The following KIAA1586 variants were observed in gnomAD, a reference collection of about 807,000 sequenced individuals.
KIAA1586 encodes KIAA1586.
In KIAA1586, 5 loss-of-function variants were observed where a neutral mutation model predicts 6.1. That is an observed-to-expected ratio of 0.82 (90% confidence interval 0.43 to 1.73). The LOEUF is 1.73. Ranked by LOEUF, KIAA1586 falls within the 40% of genes most tolerant of loss-of-function variation. The pLI is 0.02. For synonymous variants in KIAA1586, 280 were observed against 301.7 expected, an observed-to-expected ratio of 0.93 and a Z score of 0.75; for missense variants, 899 against 878.2, an observed-to-expected ratio of 1.02 and a Z score of -0.30.
chr6:57,054,948 C>A lies in KIAA1586; in HGVS notation c.*85C>A. 5 of 1,345,162 alleles carry A rather than the reference C, an allele frequency of 3.7e-6. No homozygotes were observed. The highest frequency in any genetic ancestry group is 1.8e-5 in the South Asian group (1 of 55,186). The allele number at this position is 1,345,162 out of a possible 1,614,324, so 83.3% of individuals were successfully genotyped here. A position where few individuals can be genotyped will look rare whatever the true frequency, so the allele number is the denominator to read the frequency against. On this transcript the variant is annotated 3_prime_UTR_variant, in exon 4 of 4. Coordinates refer to ENST00000370733, the MANE Select transcript of KIAA1586 (RefSeq NM_020931.4). ...AAAGGTCTTTTTTTTTTTTGGAAAGCCAGTTAAACTTTTATCAGCATGTTG... is the reference window on the plus strand; with the variant it reads ...AAAGGTCTTTTTTTTTTTTGGAAAGACAGTTAAACTTTTATCAGCATGTTG...
Position 57,054,685 on chromosome 6 carries a change from A to T in KIAA1586, c.2186A>T (p.His729Leu). ...TRVRNSLTID[H>L]VSDLMTINLL... ...GTGAGAAATAGTTTAACAATAGATC[A>T]TGTATCAGATTTAATGACAATAAAT... The change falls in exon 4 of 4, where the codon CAT (histidine) becomes CTT (leucine). Residue 729 changes from histidine (H) to leucine (L), a missense_variant. Physicochemically the swap from His to Leu is moderately conservative, Grantham distance 99 (BLOSUM62 -3). Transcript: ENST00000370733. 6.4e-7 allele frequency: 1 copy of T among 1,553,782 alleles called. No individual in the cohort carries two copies. Among genetic ancestry groups the T allele is most frequent in the South Asian group, 1.2e-5 (1 of 84,596 alleles).
At position 57,053,973 on chromosome 6, in the gene KIAA1586, G is replaced by A. The variant is rs1195975573; in HGVS notation, c.1474G>A (p.Ala492Thr). Residue 492 changes from alanine (A) to threonine (T), a missense_variant, in exon 4 of 4, where the codon GCT (alanine) becomes ACT (threonine). Ala to Thr is a moderately conservative substitution (Grantham distance 58, BLOSUM62 0). Coordinates refer to ENST00000370733, the MANE Select transcript of KIAA1586 (RefSeq NM_020931.4). ...ATGGGCGGCATGTAGTTTACAAGCT[G>A]CTACTGCTGTATGGCATGCATATCC... ...PRWAACSLQAATAVWHAYPIL... is the reference protein window; with the variant it reads ...PRWAACSLQATTAVWHAYPIL... 1 of 1,591,110 alleles carries A rather than the reference G, an allele frequency of 6.3e-7. No individual in the cohort carries two copies. Among genetic ancestry groups the A allele is most frequent in the Non-Finnish European group, 8.5e-7 (1 of 1,171,974 alleles).
intron 3 of KIAA1586, 148 bp downstream of exon 3, chr6:57,051,002 G>A: frequency 1.8e-6 from 1 of 544,996 alleles, no homozygotes; most frequent in Non-Finnish European, 3.3e-6. Flanking sequence ...GGCCGAGGCG[G>A]TTGGATCACT....
chr6:57,050,872 GTGTT>G lies in KIAA1586; in HGVS notation c.186+23_186+26del. 2 of 1,565,514 alleles carry G rather than the reference GTGTT, an allele frequency of 1.3e-6. No homozygotes were observed. Among genetic ancestry groups the G allele is most frequent in the Non-Finnish European group, 1.8e-6 (2 of 1,136,264 alleles). On this transcript the variant is annotated intron_variant, in intron 3 of 3. Transcript: ENST00000370733. ...ATAGTGATGTAAGCACATTATATTT[GTGTT>G]TGTTCAGTTTTCTTATTAAGTGCAA...
downstream of KIAA1586, among the ~76,000 whole-genome samples, chr6:57,056,908 A>G (rs1269100276): frequency 6.6e-6 from 1 of 152,060 alleles, no homozygotes; most frequent in Non-Finnish European, 1.5e-5. Flanking sequence ...TTATGAATAA[A>G]AGCCTAAATA....
Position 57,052,970 on chromosome 6 carries a change from T to G in KIAA1586, c.471T>G (p.Gly157=). ...ACAAATGGCTTGAAATAAAAGAAGG[T>G]AAATTAGGATGTAAGGATTGTTCAG... ...EQYKWLEIKE[G]KLGCKDCSAV... Residue 157 remains glycine (G), a synonymous_variant, in exon 4 of 4, where the codon GGT becomes GGG. Transcript: ENST00000370733. The G allele has an allele frequency of 6.2e-7, 1 of 1,613,704 alleles. No individual in the cohort carries two copies. The highest frequency in any genetic ancestry group is 8.5e-7 in the Non-Finnish European group (1 of 1,179,878).
chr6:57,046,804 T>G, intron 1 of KIAA1586, 28 bp downstream of exon 1: 3 of 1,608,220 alleles, frequency 1.9e-6, no homozygotes, highest in Non-Finnish European at 2.5e-6. Flanking sequence ...GGTCCTGGCG[T>G]TCTCAGAGGC....
intron 2 of KIAA1586, among the ~76,000 whole-genome samples, chr6:57,049,740 G>A (rs1046518848): frequency 4.6e-5 from 7 of 152,040 alleles, no homozygotes; most frequent in Non-Finnish European, 8.8e-5. Flanking sequence ...TAACCTTCTT[G>A]AAACAGCTCT....
downstream of KIAA1586, among the ~76,000 whole-genome samples, chr6:57,056,218 T>A (rs560487215): frequency 5.3e-5 from 8 of 151,048 alleles, no homozygotes; most frequent in South Asian, 1.5e-3. Flanking sequence ...CTGCCTAATT[T>A]TTTTTTTTTG....
At chr6:57,064,761 T>C in the KIAA1586 span, among the ~76,000 whole-genome samples, 3 of 152,198 alleles carry the variant, frequency 2.0e-5, no homozygotes, top group Non-Finnish European at 4.4e-5. Context: ...GTGGCTTTTC[T>C]GGGAAATTTT....
chr6:57,062,293 C>A, the KIAA1586 span, among the ~76,000 whole-genome samples: 1 of 152,164 alleles, frequency 6.6e-6, no homozygotes, highest in Non-Finnish European at 1.5e-5. Context: ...TCTGTAATAT[C>A]CTTTTCTGTA....
rs761463864 is a variant in KIAA1586, at chr6:57,052,735, T to C, written c.236T>C (p.Leu79Ser). 5 of 1,582,604 alleles carry C rather than the reference T, an allele frequency of 3.2e-6. No individual in the cohort carries two copies. The South Asian group carries it at 5.9e-5, about 19-fold the overall frequency. ...PKRQGDFLHF[L>S]NVKKVKTDTE... ...CGACAGGGTGATTTTTTGCATTTTT[T>C]AAATGTGAAGAAGGTGAAAACAGAC... Residue 79 changes from leucine to serine, a missense_variant, in exon 4 of 4, where the codon TTA becomes TCA. Coordinates refer to ENST00000370733, the MANE Select transcript of KIAA1586 (RefSeq NM_020931.4).
At chr6:57,050,739 T>C in intron 2 of KIAA1586, 35 bp from the exon 3 acceptor site, 1 of 1,412,136 alleles carries the variant, frequency 7.1e-7, no homozygotes, top group Non-Finnish European at 1.0e-6. Flanking sequence ...GGAATGATTG[T>C]TCATGACTTG....
the KIAA1586 span, among the ~76,000 whole-genome samples, chr6:57,060,374 C>T: frequency 6.6e-6 from 1 of 152,184 alleles, no homozygotes; most frequent in Non-Finnish European, 1.5e-5. Flanking sequence ...ACTTATATTT[C>T]ACTGGCCAGA....
chr6:57,048,280 TTCTTTAATGGAGTG>T, intron 2 of KIAA1586, among the ~76,000 whole-genome samples: 1 of 152,342 alleles, frequency 6.6e-6, no homozygotes, highest in East Asian at 1.9e-4. Flanking sequence ...TGTAGAATTT[TTCTTTAATGGAGTG>T]TCTGTCTAAT....
Position 57,054,306 on chromosome 6 carries a change from AGGAGTATATTACTAGACAATAT to A in KIAA1586, c.1808_1829del (p.Arg603LysfsTer5). ...AAACAATAAATTTAATGCTCTTCCT[AGGAGTATATTACTAGACAATAT>A]AATTCAGCACATGAACCTACGCCTT... is the stretch of plus-strand genomic sequence containing the variant. On this transcript the variant is annotated frameshift_variant, in exon 4 of 4. Coordinates refer to ENST00000370733, the MANE Select transcript of KIAA1586 (RefSeq NM_020931.4). LOFTEE classifies it low-confidence loss of function (END_TRUNC). The A allele has an allele frequency of 6.3e-7, 1 of 1,584,818 alleles. No homozygotes were observed. The highest frequency in any genetic ancestry group is 1.4e-5 in the African/African-American group (1 of 73,170).
Position 57,054,167 on chromosome 6 carries a change from G to T in KIAA1586, c.1668G>T (p.Leu556Phe), listed in dbSNP as rs759400964. Residue 556 changes from leucine (L) to phenylalanine (F), a missense_variant, in exon 4 of 4, where the codon TTG becomes TTT. By Grantham distance (22) the Leu-to-Phe change is conservative. Transcript: ENST00000370733. ...RSTNIKKAQKLIKRTIRALEN... is the reference protein window; with the variant it reads ...RSTNIKKAQKFIKRTIRALEN... ...CTAATATTAAGAAAGCACAAAAATTGATCAAACGTACCATAAGAGCTTTGG... is the reference window on the plus strand; with the variant it reads ...CTAATATTAAGAAAGCACAAAAATTTATCAAACGTACCATAAGAGCTTTGG... The T allele has an allele frequency of 3.9e-5, 62 of 1,587,510 alleles. No homozygotes were observed. The African/African-American group carries it at 7.8e-4, about 20-fold the overall frequency.
chr6:57,053,083 A>T lies in KIAA1586; in HGVS notation c.584A>T (p.Asn195Ile), dbSNP rs778399916. 6.2e-7 allele frequency: 1 copy of T among 1,611,140 alleles called. No individual in the cohort carries two copies. Among genetic ancestry groups the T allele is most frequent in the Non-Finnish European group, 8.5e-7 (1 of 1,179,126 alleles). The change falls in exon 4 of 4, where the codon AAT (asparagine) becomes ATT (isoleucine). Residue 195 changes from asparagine to isoleucine, a missense_variant. Transcript: ENST00000370733. ...TATTTAGTAACCCCTAATGGCAGTA[A>T]TAAAACTACTAGGCAAGCTTCTCTA... Reference protein sequence around the residue: ...IAYLVTPNGSNKTTRQASLRK... With the variant: ...IAYLVTPNGSIKTTRQASLRK...
chr6:57,056,557 G>A (rs1018224872), downstream of KIAA1586, among the ~76,000 whole-genome samples: 1 of 128,062 alleles, frequency 7.8e-6, no homozygotes, highest in African/African-American at 3.0e-5. Context: ...TTTTTTTTTT[G>A]GATGGGAGAG....
Sources: allele counts gnomAD v4.1 joint callset (sites outside exome capture counted in the v4.1 genomes callset), GRCh38; gene constraint gnomAD v4.1.1; transcripts MANE v1.5; gene names NCBI Gene and HGNC (gene_info 2026-07-23, HGNC 2026-07-21).